Variants in IPPK observed in about 807,000 individuals in gnomAD.
The protein encoded by IPPK is IPK1 homolog.
IPPK carries 22 observed loss-of-function variants against 64.6 expected under a neutral mutation model. The ratio of observed to expected loss-of-function variants is 0.34; its 90% CI spans 0.24 to 0.49. IPPK has a LOEUF of 0.49. Among genes scored for constraint, IPPK ranks in the 20% least tolerant of loss-of-function variants. The probability of loss-of-function intolerance (pLI) is 0.99; values close to 1 mark genes in which losing one functional copy is unlikely to be tolerated. For missense variants in IPPK, 532 were observed against 630.7 expected, an observed-to-expected ratio of 0.84 and a Z score of 1.68; for synonymous variants, 262 against 247.2, an observed-to-expected ratio of 1.06 and a Z score of -0.56.
At chr9:92,648,339 TAG>T (rs1852190517) in intron 5 of IPPK, among the ~76,000 whole-genome samples, 191 bp from the exon 6 acceptor site, 1 of 152,218 alleles carries the variant, frequency 6.6e-6, no homozygotes, top group Non-Finnish European at 1.5e-5. Context: ...ACATCTCCGC[TAG>T]AGGACCCACG....
chr9:92,631,592 T>C (rs1449809766), intron 11 of IPPK, among the ~76,000 whole-genome samples: 1 of 152,336 alleles, frequency 6.6e-6, no homozygotes, highest in East Asian at 1.9e-4. Context: ...TCAGGTTCAA[T>C]TACCAGAAGC....
chr9:92,630,935 G>A (rs551508209), intron 11 of IPPK, among the ~76,000 whole-genome samples: 1 of 152,284 alleles, frequency 6.6e-6, no homozygotes, highest in African/African-American at 2.4e-5. Flanking sequence ...ACTATGGGCT[G>A]GGGGCCAAAT....
chr9:92,642,673 C>T (rs749090291), intron 7 of IPPK, 79 bp downstream of exon 7: 203 of 1,241,604 alleles, frequency 1.6e-4, no homozygotes, highest in Non-Finnish European at 2.3e-4. Context: ...ACGAAATACC[C>T]CCCACCAGGC....
chr9:92,620,433 T>A (rs1299175088), intron 11 of IPPK: 2 of 152,186 alleles, frequency 1.3e-5, no homozygotes, highest in African/African-American at 4.8e-5. Flanking sequence ...TGTGAGGCAC[T>A]CTCTCCTCTT....
intron 1 of IPPK, among the ~76,000 whole-genome samples, chr9:92,666,607 T>C (rs1852602915): frequency 6.6e-6 from 1 of 151,962 alleles, no homozygotes; most frequent in South Asian, 2.1e-4. Context: ...TGCCACAGGG[T>C]CCACACCACA....
At chr9:92,630,940 C>T (rs1365551052) in intron 11 of IPPK, among the ~76,000 whole-genome samples, 3 of 152,088 alleles carry the variant, frequency 2.0e-5, no homozygotes, top group Non-Finnish European at 4.4e-5. Context: ...GGGCTGGGGG[C>T]CAAATGCAGC....
chr9:92,653,810 C>G (rs1031503178), intron 3 of IPPK, among the ~76,000 whole-genome samples: 1 of 152,202 alleles, frequency 6.6e-6, no homozygotes, highest in Non-Finnish European at 1.5e-5. Flanking sequence ...GATCACGCCA[C>G]TCCAGCCTGG....
chr9:92,661,235 C>T (rs923025026), intron 1 of IPPK, among the ~76,000 whole-genome samples: 1 of 152,198 alleles, frequency 6.6e-6, no homozygotes, highest in Non-Finnish European at 1.5e-5. Context: ...GGTCCAGCCT[C>T]GCCTGCTGGC....
intron 5 of IPPK, among the ~76,000 whole-genome samples, 189 bp from the exon 6 acceptor site, chr9:92,648,337 G>A (rs1413814342): frequency 2.0e-5 from 3 of 152,166 alleles, no homozygotes; most frequent in South Asian, 2.1e-4. Flanking sequence ...AAACATCTCC[G>A]CTAGAGGACC....
In IPPK at chr9:92,635,219, C is replaced by T. The variant is rs750253794; in HGVS notation, c.1006G>A (p.Glu336Lys). Residue 336 changes from glutamate to lysine, a missense_variant, in exon 10 of 13, where the codon GAA becomes AAA. By Grantham distance (56) the Glu-to-Lys change is moderately conservative. Coordinates refer to ENST00000287996, the MANE Select transcript of IPPK (RefSeq NM_022755.6). The surrounding 1 kb of genome is among the most constrained non-coding windows in gnomAD (Gnocchi z 4.4). Reference protein sequence around the residue: ...QVQMLDLLDIEGLYPLYNRVE... With the variant: ...QVQMLDLLDIKGLYPLYNRVE... ...CGGTTGTACAGAGGGTAGAGGCCTT[C>T]GATGTCCAGCAGGTCCAACATCTGC... The T allele has an allele frequency of 6.8e-6, 11 of 1,614,058 alleles. No individual in the cohort carries two copies. The highest frequency in any genetic ancestry group is 3.3e-5 in the Admixed American group (2 of 60,010).
In IPPK at chr9:92,670,035, G is replaced by A; in HGVS notation, c.-47C>T. 2 of 1,425,632 alleles carry A rather than the reference G, an allele frequency of 1.4e-6. No homozygotes were observed. Among genetic ancestry groups the A allele is most frequent in the Non-Finnish European group, 1.9e-6 (2 of 1,040,228 alleles). 88.3% of individuals were successfully genotyped at this position (1,425,632 alleles called of 1,614,324 possible). On this transcript the variant is annotated 5_prime_UTR_variant, in exon 1 of 13. Coordinates refer to ENST00000287996, the MANE Select transcript of IPPK (RefSeq NM_022755.6). ...CTCGCGGGCTAGGACTCGGGGACGC[G>A]AGCTGGGGGCCGCCCGCCTCGCTGG...
chr9:92,639,925 C>T (rs1211657650), intron 8 of IPPK, among the ~76,000 whole-genome samples: 1 of 152,180 alleles, frequency 6.6e-6, no homozygotes, highest in African/African-American at 2.4e-5. Context: ...GGCAGCCAGC[C>T]GGGCAGCAGG....
At chr9:92,649,413 T>C (rs762088112) in intron 5 of IPPK, 40 bp downstream of exon 5, 124 of 1,612,452 alleles carry the variant, frequency 7.7e-5, no homozygotes, top group Non-Finnish European at 1.0e-4. Context: ...AAGACTGACC[T>C]TTCCCCTTTA....
chr9:92,643,326 C>T (rs1852087407), intron 6 of IPPK, among the ~76,000 whole-genome samples: 1 of 152,170 alleles, frequency 6.6e-6, no homozygotes, highest in Non-Finnish European at 1.5e-5. Flanking sequence ...CAAAAAGGTA[C>T]AGACACAAGA....
intron 7 of IPPK, among the ~76,000 whole-genome samples, chr9:92,641,310 C>T (rs992253627): frequency 1.3e-5 from 2 of 152,196 alleles, no homozygotes; most frequent in African/African-American, 4.8e-5. Context: ...AACGGAGGAA[C>T]CTCTGGAGGC....
chr9:92,669,171 C>G (rs1337634875), intron 1 of IPPK, among the ~76,000 whole-genome samples: 2 of 152,150 alleles, frequency 1.3e-5, no homozygotes, highest in South Asian at 4.2e-4. Flanking sequence ...GCCTCCCTCA[C>G]CCCCCTCCCC....
rs546706636 is a variant in IPPK, at chr9:92,651,819, G to A, written c.292+754C>T. 1.7e-3 allele frequency among the ~76,000 whole-genome samples: 263 copies of A among 152,268 alleles called. 1 individual carries two copies. The highest frequency in any genetic ancestry group is 5.8e-3 in the African/African-American group (242 of 41,560). On this transcript the variant is annotated intron_variant, in intron 4 of 12. Coordinates refer to ENST00000287996, the MANE Select transcript of IPPK (RefSeq NM_022755.6). ...AAATCTCTGCCTCCCGGGTTCCAGC[G>A]ATTCTCCTGCCTCAACTTCCCAAGT...
At chr9:92,659,118 G>A (rs1226813585) in intron 1 of IPPK, among the ~76,000 whole-genome samples, 1 of 152,174 alleles carries the variant, frequency 6.6e-6, no homozygotes, top group Non-Finnish European at 1.5e-5. Flanking sequence ...CTTACAGAAT[G>A]AGCCTATTTT....
At position 92,613,932 on chromosome 9, in the gene IPPK, G is replaced by A. The variant is rs1851350894; in HGVS notation, c.*1900C>T. On this transcript the variant is annotated 3_prime_UTR_variant, in exon 13 of 13. Transcript: ENST00000287996. ...GTCTCAAACCAGTCAGGGCCGTCATGACTACGCAGCAGCAGCAGTTTCCAA... is the reference window on the plus strand; with the variant it reads ...GTCTCAAACCAGTCAGGGCCGTCATAACTACGCAGCAGCAGCAGTTTCCAA... The A allele has an allele frequency of 6.6e-6, 1 of 152,234 alleles. No homozygotes were observed. The highest frequency in any genetic ancestry group is 6.5e-5 in the Admixed American group (1 of 15,286). 9.4% of individuals were successfully genotyped at this position (152,234 alleles called of 1,614,324 possible).
Sources: allele counts gnomAD v4.1 joint callset (sites outside exome capture counted in the v4.1 genomes callset), GRCh38; gene constraint gnomAD v4.1.1; non-coding constraint Gnocchi (gnomAD v3.1); transcripts MANE v1.5; gene names NCBI Gene and HGNC (gene_info 2026-07-23, HGNC 2026-07-21).